Variants in OR14I1 observed in about 807,000 individuals in gnomAD.
The protein encoded by OR14I1 is olfactory receptor 14I1.
For missense variants in OR14I1, 279 were observed against 181.8 expected (o/e 1.53, Z -3.07); for synonymous variants, 118 against 71.1 (o/e 1.66, Z -3.32).
chr1:248,697,452 A>G, the OR14I1 span, among the ~76,000 whole-genome samples: 3 of 149,462 alleles, frequency 2.0e-5, no homozygotes, highest in South Asian at 4.2e-4. Context: ...AGGAATCTTC[A>G]TCTTCTGCAA....
chr1:248,682,162 G>T lies in OR14I1; in HGVS notation c.143C>A (p.Thr48Asn), dbSNP rs149611560. ...GGGTGTGTGAAGATGCTGATCGAGA[G>T]TGATGACTGCAATGATGAGCAGGTT... is the stretch of plus-strand genomic sequence containing the variant. Residue 48 changes from threonine (T) to asparagine (N), a missense_variant, in exon 1 of 1, where the codon ACT (threonine) becomes AAT (asparagine). By Grantham distance (65) the Thr-to-Asn change is moderately conservative. Transcript: ENST00000342623. The T allele has an allele frequency of 4.7e-4, 367 of 781,032 alleles. 5 individuals carry two copies. In the Middle Eastern group the frequency reaches 0.013, roughly 28 times the overall value. The allele number at this position is 781,032 out of a possible 1,614,324, so 48.4% of individuals were successfully genotyped here. A position where few individuals can be genotyped will look rare whatever the true frequency, so the allele number is the denominator to read the frequency against.
chr1:248,699,114 A>G, the OR14I1 span: 1 of 152,116 alleles, frequency 6.6e-6, no homozygotes, highest in Non-Finnish European at 1.5e-5. Flanking sequence ...TTGTTAATGT[A>G]TTCTTTCATG....
chr1:248,678,345 G>A (rs55702145), downstream of OR14I1, among the ~76,000 whole-genome samples: 22,194 of 152,098 alleles, frequency 0.15, 1,733 homozygotes, highest in African/African-American at 0.19. Flanking sequence ...CTCATGAATA[G>A]TCAGCAAGAT....
At chr1:248,699,661 C>A in the OR14I1 span, among the ~76,000 whole-genome samples, 1 of 152,136 alleles carries the variant, frequency 6.6e-6, no homozygotes, top group Non-Finnish European at 1.5e-5. Flanking sequence ...TGAGGACAGG[C>A]CAGCTCTGTG....
At chr1:248,694,172 C>T in the OR14I1 span, among the ~76,000 whole-genome samples, 5 of 152,126 alleles carry the variant, frequency 3.3e-5, no homozygotes. Flanking sequence ...AAAGTGCCCT[C>T]CTTTGCTCTG....
downstream of OR14I1, among the ~76,000 whole-genome samples, chr1:248,678,310 T>A (rs1459897878): frequency 1.3e-5 from 2 of 152,170 alleles, no homozygotes; most frequent in Non-Finnish European, 2.9e-5. Flanking sequence ...CCATTCAACA[T>A]CAGAATATAC....
At chr1:248,681,573 A>T in exon 1 of OR14I1, 2 of 781,012 alleles carry the variant, frequency 2.6e-6, no homozygotes, top group South Asian at 2.7e-5. Context: ...GCATGATGAC[A>T]ATGAGCTGGG....
At chr1:248,678,884 A>T (rs1458173682), downstream of OR14I1, among the ~76,000 whole-genome samples, 2 of 152,238 alleles carry the variant, frequency 1.3e-5, no homozygotes, top group Non-Finnish European at 2.9e-5. Context: ...TTAGATCTAA[A>T]AAAGCTGAAT....
At chr1:248,695,669 T>C in the OR14I1 span, among the ~76,000 whole-genome samples, 1 of 152,120 alleles carries the variant, frequency 6.6e-6, no homozygotes, top group African/African-American at 2.4e-5. Flanking sequence ...TAGTCTCTGC[T>C]TCTCCTTCTC....
At chr1:248,700,431 A>G in the OR14I1 span, among the ~76,000 whole-genome samples, 1 of 152,278 alleles carries the variant, frequency 6.6e-6, no homozygotes, top group African/African-American at 2.4e-5. Flanking sequence ...GTTGTGCAAT[A>G]CAAGAACACT....
chr1:248,679,423 T>G (rs6703581), downstream of OR14I1, among the ~76,000 whole-genome samples: 101,237 of 151,154 alleles, frequency 0.67, 36,353 homozygotes, highest in South Asian at 0.81. Flanking sequence ...TATTAGTATG[T>G]TTAGTACTAA....
downstream of OR14I1, among the ~76,000 whole-genome samples, chr1:248,679,736 G>A (rs1354735258): frequency 6.6e-6 from 1 of 152,204 alleles, no homozygotes; most frequent in African/African-American, 2.4e-5. Context: ...AGAAGCTGAA[G>A]AAAGCTAGCA....
At chr1:248,695,228 C>CTTTTTGTTT in the OR14I1 span, among the ~76,000 whole-genome samples, 9 of 96,730 alleles carry the variant, frequency 9.3e-5, no homozygotes, top group African/African-American at 4.1e-4. Context: ...TGAATGTATG[C>CTTTTTGTTT]TTTTTTTTTT....
At chr1:248,698,368 GC>G in the OR14I1 span, among the ~76,000 whole-genome samples, 1 of 152,198 alleles carries the variant, frequency 6.6e-6, no homozygotes, top group East Asian at 1.9e-4. Flanking sequence ...CACAGTCGTA[GC>G]TTTTTTATGG....
At chr1:248,695,445 G>A in the OR14I1 span, among the ~76,000 whole-genome samples, 3 of 152,072 alleles carry the variant, frequency 2.0e-5, no homozygotes, top group African/African-American at 4.8e-5. Flanking sequence ...GTGTTAGCCA[G>A]GATGGTCTCG....
At chr1:248,680,189 A>G (rs1039298649), downstream of OR14I1, among the ~76,000 whole-genome samples, 1 of 152,264 alleles carries the variant, frequency 6.6e-6, no homozygotes, top group African/African-American at 2.4e-5. Context: ...TATTACATTG[A>G]TAACTACAAA....
chr1:248,693,055 TC>T, the OR14I1 span, among the ~76,000 whole-genome samples: 2 of 152,302 alleles, frequency 1.3e-5, no homozygotes, highest in South Asian at 4.1e-4. Flanking sequence ...CCTCTAACTC[TC>T]CCTGGTTGTT....
chr1:248,685,228 G>T (rs1190100757), upstream of OR14I1, among the ~76,000 whole-genome samples: 1 of 151,864 alleles, frequency 6.6e-6, no homozygotes, highest in Non-Finnish European at 1.5e-5. Context: ...TAATAAAAAA[G>T]TAATGGGGAC....
chr1:248,700,295 GT>G, the OR14I1 span, among the ~76,000 whole-genome samples: 1 of 152,202 alleles, frequency 6.6e-6, no homozygotes, highest in Non-Finnish European at 1.5e-5. Flanking sequence ...TTTACCCAAA[GT>G]GAAAGACCTC....
Sources: gnomAD v4.1 joint callset for allele counts (sites outside exome capture counted in the v4.1 genomes callset) on GRCh38, gnomAD v4.1.1 for gene constraint, MANE v1.5 for transcripts, NCBI Gene and HGNC (gene_info 2026-07-23, HGNC 2026-07-21) for gene names.